The following SLC25A44 variants were observed in gnomAD, a reference collection of about 807,000 sequenced individuals.
SLC25A44 encodes the protein solute carrier family 25, member 44.
A neutral mutation model predicts 29.9 loss-of-function variants in SLC25A44; 17 were observed. The observed-to-expected ratio is 0.57, with a 90% confidence interval of 0.39 to 0.85. The LOEUF (loss-of-function observed/expected upper bound fraction) is 0.85. SLC25A44 is among the 40% of genes least tolerant of loss of function. The pLI, the probability that SLC25A44 is intolerant of heterozygous loss-of-function variation, is 0.00. For missense variants in SLC25A44, 302 were observed against 398.4 expected (o/e 0.76, Z 2.06); for synonymous variants, 140 against 151.8 (o/e 0.92, Z 0.57).
intron 2 of SLC25A44, among the ~76,000 whole-genome samples, chr1:156,203,261 C>T (rs922538560): frequency 2.6e-5 from 4 of 152,232 alleles, no homozygotes; most frequent in Non-Finnish European, 4.4e-5. Context: ...CCTTCTCATG[C>T]TTCAGGCTTC....
intron 2 of SLC25A44, among the ~76,000 whole-genome samples, chr1:156,206,787 C>A (rs1436529616): frequency 6.6e-6 from 1 of 152,176 alleles, no homozygotes; most frequent in African/African-American, 2.4e-5. Context: ...CCCATCTTGG[C>A]CTCCCAAAGT....
intron 3 of SLC25A44, among the ~76,000 whole-genome samples, chr1:156,209,705 C>G (rs1370403691): frequency 6.6e-6 from 1 of 151,982 alleles, no homozygotes; most frequent in South Asian, 2.1e-4. Flanking sequence ...GGTTCCAGCT[C>G]TGGGGCTTCA....
At position 156,200,026 on chromosome 1, in the gene SLC25A44, C is replaced by T. The variant is rs1396063127; in HGVS notation, c.179C>T (p.Ala60Val). 3.7e-6 allele frequency: 6 copies of T among 1,614,122 alleles called. No individual in the cohort carries two copies. The highest frequency in any genetic ancestry group is 5.1e-6 in the Non-Finnish European group (6 of 1,179,956). Residue 60 changes from alanine (A) to valine (V), a missense_variant, in exon 2 of 4, where the codon GCC becomes GTC. Transcript: ENST00000359511. ...AGCCTCTACCATGGGACCTTCGATG[C>T]CTTCATCAAGATCCTGCGAGCAGAT... The part of the protein sequence containing the change: ...GKSLYHGTFD[A>V]FIKILRADGI...
intron 3 of SLC25A44, among the ~76,000 whole-genome samples, chr1:156,209,731 C>G (rs1657172699): frequency 6.6e-6 from 1 of 152,016 alleles, no homozygotes; most frequent in Non-Finnish European, 1.5e-5. Context: ...TTGAAATGAT[C>G]AGAATCAAAA....
intron 1 of SLC25A44, chr1:156,196,808 A>T (rs2103030688): frequency 6.6e-6 from 1 of 152,352 alleles, no homozygotes; most frequent in East Asian, 1.9e-4. Flanking sequence ...CCAGGAGCTT[A>T]TGCTTAACTG....
chr1:156,211,048 C>CTT lies in SLC25A44; in HGVS notation c.*620_*621dup, dbSNP rs1411446936. ...TATTAGGTTGGGAGAAATGTTGATA[C>CTT]TTTTGTTTTGTGTGTGTGTGTGTGT... On this transcript the variant is annotated 3_prime_UTR_variant, in exon 4 of 4. Transcript: ENST00000359511. The CTT allele has an allele frequency of 1.7e-5, 2 of 118,276 alleles. No individual in the cohort carries two copies. 7.3% of individuals were successfully genotyped at this position (118,276 alleles called of 1,614,324 possible). A position where few individuals can be genotyped will look rare whatever the true frequency, so the allele number is the denominator to read the frequency against.
At chr1:156,201,490 TC>T (rs1448686678) in intron 2 of SLC25A44, among the ~76,000 whole-genome samples, 1 of 152,180 alleles carries the variant, frequency 6.6e-6, no homozygotes, top group Non-Finnish European at 1.5e-5. Flanking sequence ...ATTGGAAACT[TC>T]TGACCAAAAT....
chr1:156,210,304 G>A lies in SLC25A44; in HGVS notation c.818G>A (p.Gly273Asp). Reference sequence around the variant, plus strand: ...CTGATGGCAGAAGAAGGGCCTTGGGGCCTCATGAAGGGCCTCTCGGCCAGA... The same window carrying A: ...CTGATGGCAGAAGAAGGGCCTTGGGACCTCATGAAGGGCCTCTCGGCCAGA... Reference protein sequence around the residue: ...RQLMAEEGPWGLMKGLSARII... With the variant: ...RQLMAEEGPWDLMKGLSARII... Residue 273 changes from glycine to aspartate, a missense_variant, in exon 4 of 4, where the codon GGC becomes GAC. Gly to Asp is a moderately conservative substitution (Grantham distance 94). Coordinates refer to ENST00000359511, the MANE Select transcript of SLC25A44 (RefSeq NM_014655.4). 1 of 1,606,274 alleles carries A rather than the reference G, an allele frequency of 6.2e-7. No individual in the cohort carries two copies. The highest frequency in any genetic ancestry group is 8.5e-7 in the Non-Finnish European group (1 of 1,176,418).
At chr1:156,194,990 G>A (rs1438624492) in intron 1 of SLC25A44, among the ~76,000 whole-genome samples, 1 of 152,168 alleles carries the variant, frequency 6.6e-6, no homozygotes, top group Admixed American at 6.5e-5. Context: ...GACCACCTTG[G>A]GTGGCAAGGA....
chr1:156,194,613 A>T (rs549952430), intron 1 of SLC25A44, among the ~76,000 whole-genome samples: 2 of 152,242 alleles, frequency 1.3e-5, no homozygotes, highest in South Asian at 4.2e-4. Context: ...ACCATGTCCG[A>T]GGTAGGGAGG....
intron 3 of SLC25A44, among the ~76,000 whole-genome samples, chr1:156,209,116 G>A (rs1182458047): frequency 1.3e-5 from 2 of 152,192 alleles, no homozygotes; most frequent in African/African-American, 4.8e-5. Context: ...TTGTTCCTAG[G>A]AAAGAATGCC....
At position 156,200,321 on chromosome 1, in the gene SLC25A44, A is replaced by T. The variant is rs144688998; in HGVS notation, c.474A>T (p.Gln158His). The T allele has an allele frequency of 1.3e-4, 204 of 1,614,042 alleles. No individual in the cohort carries two copies. Among genetic ancestry groups the T allele is most frequent in the Non-Finnish European group, 1.6e-4 (194 of 1,180,048 alleles). The change falls in exon 2 of 4, where the codon CAA becomes CAT. Residue 158 changes from glutamine to histidine, a missense_variant. Physicochemically the swap from Gln to His is conservative, Grantham distance 24. Coordinates refer to ENST00000359511, the MANE Select transcript of SLC25A44 (RefSeq NM_014655.4). ...AGGTGCGGGGGAACCCAGAGGGACA[A>T]GGGGTAGTTGCCTTTGGCCAAACCA... ...RFQVRGNPEG[Q>H]GVVAFGQTKD...
In SLC25A44 at chr1:156,212,790, C is replaced by T; in HGVS notation, c.*2359C>T. The T allele has an allele frequency of 1.6e-6, 1 of 622,610 alleles. No individual in the cohort carries two copies. Among genetic ancestry groups the T allele is most frequent in the Non-Finnish European group, 2.7e-6 (1 of 365,326 alleles). 38.6% of individuals were successfully genotyped at this position (622,610 alleles called of 1,614,324 possible). On this transcript the variant is annotated 3_prime_UTR_variant, in exon 4 of 4. Transcript: ENST00000359511. ...AATGTAATTAAAAGTTTTTATTGAG[C>T]CCCCGAGCTTTGGCTTGCGCGTATT... is the stretch of plus-strand genomic sequence containing the variant.
At chr1:156,196,360 C>T (rs1316927895) in intron 1 of SLC25A44, 3 of 152,174 alleles carry the variant, frequency 2.0e-5, no homozygotes. Flanking sequence ...GCTTATCCCT[C>T]TAAGGCATGA....
intron 2 of SLC25A44, among the ~76,000 whole-genome samples, chr1:156,206,405 T>A (rs543969470): frequency 3.3e-5 from 5 of 152,106 alleles, no homozygotes; most frequent in African/African-American, 1.2e-4. Flanking sequence ...GTCCGGTTAA[T>A]TTTTGTATTT....
At position 156,202,293 on chromosome 1, in the gene SLC25A44, C is replaced by T. The variant is rs997516286; in HGVS notation, c.625+1821C>T. 5.3e-5 allele frequency among the ~76,000 whole-genome samples: 8 copies of T among 152,300 alleles called. No individual in the cohort carries two copies. In the East Asian group the frequency reaches 1.2e-3, roughly 22 times the overall value. On this transcript the variant is annotated intron_variant, in intron 2 of 3. Coordinates refer to ENST00000359511, the MANE Select transcript of SLC25A44 (RefSeq NM_014655.4). ...TTCCCTCCTGAGTTCTCTTCCTTCC[C>T]GTCCATCACATACATCTCTAATGGA...
rs1221607868 is a variant in SLC25A44, at chr1:156,210,910, C to G, written c.*479C>G. ...TGGGACCGAGCTGCCCACTAGATGA[C>G]TCTGCTTTTCCCTGCATTTGGGGCT... On this transcript the variant is annotated 3_prime_UTR_variant, in exon 4 of 4. Transcript: ENST00000359511. 6.6e-6 allele frequency: 1 copy of G among 152,504 alleles called. No individual in the cohort carries two copies. Among genetic ancestry groups the G allele is most frequent in the African/African-American group, 2.4e-5 (1 of 41,440 alleles). The allele number at this position is 152,504 out of a possible 1,614,324, so 9.4% of individuals were successfully genotyped here.
intron 3 of SLC25A44, among the ~76,000 whole-genome samples, chr1:156,208,795 G>T (rs1657115992): frequency 1.3e-5 from 2 of 152,196 alleles, no homozygotes; most frequent in East Asian, 3.8e-4. Context: ...ATTTTATGGT[G>T]TGGATGCAGC....
At position 156,198,767 on chromosome 1, in the gene SLC25A44, G is replaced by C. The variant is rs1255738653; in HGVS notation, c.-13-1068G>C. On this transcript the variant is annotated intron_variant, in intron 1 of 3. Coordinates refer to ENST00000359511, the MANE Select transcript of SLC25A44 (RefSeq NM_014655.4). The surrounding 1 kb of genome is among the most constrained non-coding windows in gnomAD (Gnocchi z 4.1). ...TGTCCAGCCTTTTCCTCTGTATCTT[G>C]TATCCATTCCCCAGAGCGATACTGT... The C allele has an allele frequency of 6.6e-6, 1 of 152,204 alleles. No individual in the cohort carries two copies. Among genetic ancestry groups the C allele is most frequent in the Non-Finnish European group, 1.5e-5 (1 of 68,054 alleles). The allele number at this position is 152,204 out of a possible 1,614,324, so 9.4% of individuals were successfully genotyped here. A position where few individuals can be genotyped will look rare whatever the true frequency, so the allele number is the denominator to read the frequency against.
Sources: allele counts gnomAD v4.1 joint callset (sites outside exome capture counted in the v4.1 genomes callset), GRCh38; gene constraint gnomAD v4.1.1; non-coding constraint Gnocchi (gnomAD v3.1); transcripts MANE v1.5; gene names NCBI Gene and HGNC (gene_info 2026-07-23, HGNC 2026-07-21).